ZFAT: variants seen among roughly 807,000 people sequenced by gnomAD.
The protein encoded by ZFAT is zinc finger protein ZFAT.
Under a neutral mutation model 117.7 loss-of-function variants are expected in ZFAT, and 64 were observed. The ratio of observed to expected loss-of-function variants is 0.54; its 90% CI spans 0.44 to 0.67. ZFAT has a LOEUF of 0.67. ZFAT is among the 30% of genes least tolerant of loss of function. The probability of loss-of-function intolerance (pLI) is 0.00; values close to 1 mark genes in which losing one functional copy is unlikely to be tolerated. For synonymous variants in ZFAT, 679 were observed against 615.0 expected (o/e 1.10, Z -1.54); for missense variants, 1,433 against 1,584.5 (o/e 0.90, Z 1.62).
the ZFAT span, among the ~76,000 whole-genome samples, chr8:134,736,615 G>C: frequency 6.6e-6 from 1 of 151,944 alleles, no homozygotes; most frequent in East Asian, 1.9e-4. Flanking sequence ...TCTCTACTGG[G>C]TCTTGCTCTT....
In ZFAT at chr8:134,478,398, A is replaced by G; in HGVS notation, c.*84T>C. 6.7e-7 allele frequency: 1 copy of G among 1,492,398 alleles called. No homozygotes were observed. Among genetic ancestry groups the G allele is most frequent in the East Asian group, 2.5e-5 (1 of 40,352 alleles). 92.4% of individuals were successfully genotyped at this position (1,492,398 alleles called of 1,614,324 possible). On this transcript the variant is annotated 3_prime_UTR_variant, in exon 16 of 16. Transcript: ENST00000377838. This position sits in a 1 kb window ranked among gnomAD's most constrained non-coding sequence, Gnocchi z 5.2. ...CAAAGGAGAGCACCATTCTGCGGGT[A>G]GGGCAGGAAGGGTGGCCTCCCCACC... is the stretch of plus-strand genomic sequence containing the variant.
the ZFAT span, among the ~76,000 whole-genome samples, chr8:134,808,231 G>T: frequency 5.9e-5 from 9 of 152,294 alleles, no homozygotes; most frequent in Non-Finnish European, 1.3e-4. Context: ...TAGGCCCTGG[G>T]AGAAACAAAG....
At chr8:134,719,018 C>T in the ZFAT span, among the ~76,000 whole-genome samples, 1 of 152,174 alleles carries the variant, frequency 6.6e-6, no homozygotes, top group Admixed American at 6.5e-5. Flanking sequence ...ATCGGGAGCA[C>T]ACTGTCGCTT....
At chr8:134,685,317 T>C (rs1833267201) in intron 1 of ZFAT, among the ~76,000 whole-genome samples, 1 of 152,102 alleles carries the variant, frequency 6.6e-6, no homozygotes, top group Non-Finnish European at 1.5e-5. Context: ...ACCTGGTACC[T>C]AGCCCTGCTA....
At position 134,507,380 on chromosome 8, in the gene ZFAT, CCT is replaced by C. The variant is rs148951535; in HGVS notation, c.3492+2237_3492+2238del. Among the ~76,000 whole-genome samples the C allele has an allele frequency of 2.1e-3, 316 of 152,290 alleles. 1 individual carries two copies. Among genetic ancestry groups the C allele is most frequent in the African/African-American group, 7.2e-3 (301 of 41,552 alleles). ...GCCCATCAGTCTGTCCACCCACTCT[CCT>C]CTCTGTCATTTATCAACAGCCACCG... On this transcript the variant is annotated intron_variant, in intron 15 of 15. Coordinates refer to ENST00000377838, the MANE Select transcript of ZFAT (RefSeq NM_020863.4).
chr8:134,502,600 T>A (rs1819078909), intron 15 of ZFAT, among the ~76,000 whole-genome samples: 1 of 152,174 alleles, frequency 6.6e-6, no homozygotes, highest in Non-Finnish European at 1.5e-5. Flanking sequence ...CTCCCAACAC[T>A]GCCAACCATC....
chr8:134,509,528 G>C, intron 15 of ZFAT, 91 bp downstream of exon 15: 1 of 1,566,716 alleles, frequency 6.4e-7, no homozygotes, highest in South Asian at 1.1e-5. Flanking sequence ...TTCTACCTCA[G>C]GTAAGTTAAA....
rs142827224 is a variant in ZFAT, at chr8:134,674,513, C to T, written c.20-16776G>A. On this transcript the variant is annotated intron_variant, in intron 1 of 15. Transcript: ENST00000377838. ...TCGAACTGCATGGAGCCCACCACAG[C>T]TCCCTGGGACGGAGCACCTGTGGGA... Among the ~76,000 whole-genome samples, 503 of 152,344 alleles carry T rather than the reference C, an allele frequency of 3.3e-3. 4 individuals carry two copies. Among genetic ancestry groups the T allele is most frequent in the African/African-American group, 0.011 (460 of 41,594 alleles).
At chr8:134,597,812 AGTT>A (rs1827079626) in intron 7 of ZFAT, 1 of 152,232 alleles carries the variant, frequency 6.6e-6, no homozygotes, top group Non-Finnish European at 1.5e-5. Flanking sequence ...AAAAGATTGA[AGTT>A]AAACTTACAA....
chr8:134,499,381 G>A (rs1196924538), intron 15 of ZFAT, among the ~76,000 whole-genome samples: 1 of 149,396 alleles, frequency 6.7e-6, no homozygotes, highest in Non-Finnish European at 1.5e-5. Context: ...ATTTGGGAGG[G>A]TTGTGGTGGA....
At chr8:134,595,842 C>A (rs547663982) in intron 7 of ZFAT, among the ~76,000 whole-genome samples, 18 of 152,334 alleles carry the variant, frequency 1.2e-4, no homozygotes, top group African/African-American at 4.3e-4. Flanking sequence ...AACAGGCACT[C>A]AGCCAGATTA....
chr8:134,618,748 GAAAT>G (rs1828910649), intron 3 of ZFAT, among the ~76,000 whole-genome samples: 1 of 152,018 alleles, frequency 6.6e-6, no homozygotes, highest in Non-Finnish European at 1.5e-5. Context: ...CTGCACAAAA[GAAAT>G]AAATAATTAC....
upstream of ZFAT, among the ~76,000 whole-genome samples, chr8:134,713,796 C>T (rs934579534): frequency 2.6e-5 from 4 of 152,096 alleles, no homozygotes; most frequent in Non-Finnish European, 5.9e-5. Flanking sequence ...CCCTAACCCT[C>T]ACCCCCCGAA....
chr8:134,515,912 C>T (rs1469343405), intron 13 of ZFAT, among the ~76,000 whole-genome samples: 1 of 152,202 alleles, frequency 6.6e-6, no homozygotes, highest in African/African-American at 2.4e-5. Flanking sequence ...AACTACAATG[C>T]TCCTGTCACA....
intron 7 of ZFAT, chr8:134,599,850 C>T (rs1827272374): frequency 6.6e-6 from 3 of 451,316 alleles, no homozygotes; most frequent in Non-Finnish European, 1.3e-5. Context: ...TTACAAGATC[C>T]TCCACCAAAG....
At chr8:134,686,379 T>G (rs1264220691) in intron 1 of ZFAT, among the ~76,000 whole-genome samples, 1 of 152,172 alleles carries the variant, frequency 6.6e-6, no homozygotes, top group Admixed American at 6.5e-5. Flanking sequence ...ACTTCTGGGG[T>G]GCAGGGGAGT....
intron 15 of ZFAT, among the ~76,000 whole-genome samples, chr8:134,487,149 C>T (rs1817717789): frequency 6.6e-6 from 1 of 152,172 alleles, no homozygotes; most frequent in Non-Finnish European, 1.5e-5. Context: ...CAGGTATGGG[C>T]ATGGCTTTGT....
the ZFAT span, among the ~76,000 whole-genome samples, chr8:134,809,086 A>G: frequency 6.6e-6 from 1 of 152,196 alleles, no homozygotes; most frequent in African/African-American, 2.4e-5. Flanking sequence ...TAGACCTGTG[A>G]GGCAGAGAAA....
At position 134,512,641 on chromosome 8, in the gene ZFAT, T is replaced by C. The variant is rs189892541; in HGVS notation, c.3235-40A>G. On this transcript the variant is annotated intron_variant, in intron 13 of 15. Coordinates refer to ENST00000377838, the MANE Select transcript of ZFAT (RefSeq NM_020863.4). The stretch of plus-strand genomic sequence containing the variant: ...AGTACCTAAGTCATCTCCTAAAAGA[T>C]TGACTGTTGCCCAGAAGTTCCAAGA... 519 of 1,592,820 alleles carry C rather than the reference T, an allele frequency of 3.3e-4. 2 individuals are homozygous for C. Among genetic ancestry groups the C allele is most frequent in the East Asian group, 1.9e-3 (83 of 44,552 alleles).
Sources: gnomAD v4.1 joint callset for allele counts (sites outside exome capture counted in the v4.1 genomes callset) on GRCh38, gnomAD v4.1.1 for gene constraint, Gnocchi (gnomAD v3.1) non-coding constraint, MANE v1.5 for transcripts, NCBI Gene and HGNC (gene_info 2026-07-23, HGNC 2026-07-21) for gene names.